MKX: variants seen among roughly 807,000 people sequenced by gnomAD.
The protein encoded by MKX is homeobox protein Mohawk.
MKX carries 13 observed loss-of-function variants against 36.0 expected under a neutral mutation model. The ratio of observed to expected loss-of-function variants is 0.36; its 90% CI spans 0.24 to 0.57. The LOEUF (loss-of-function observed/expected upper bound fraction) is 0.57, where lower values mean the gene tolerates loss of function less well. MKX is among the 20% of genes least tolerant of loss of function. The pLI, the probability that MKX is intolerant of heterozygous loss-of-function variation, is 0.79. For synonymous variants in MKX, 176 were observed against 178.3 expected (o/e 0.99, Z 0.10); for missense variants, 458 against 456.4 (o/e 1.00, Z -0.03).
Position 27,734,704 on chromosome 10 carries a change from A to G in MKX, c.590T>C (p.Val197Ala). 6.2e-7 allele frequency: 1 copy of G among 1,614,042 alleles called. No homozygotes were observed. The highest frequency in any genetic ancestry group is 8.5e-7 in the Non-Finnish European group (1 of 1,180,028). ...HHPVIKSENS[V>A]IKAGVRPESR... ...CTCTGGCCTCACTCCCGCTTTGATG[A>G]CCGAATTCTCACTTTTAATCACAGG... Residue 197 changes from valine (V) to alanine (A), a missense_variant, in exon 5 of 7, where the codon GTC (valine) becomes GCC (alanine). Transcript: ENST00000419761.
intron 5 of MKX, chr10:27,718,603 A>G (rs776020179): frequency 4.1e-4 from 182 of 444,020 alleles, no homozygotes; most frequent in Non-Finnish European, 6.2e-4. Context: ...TCCACTGGAA[A>G]GACAAAAAGA....
intron 5 of MKX, among the ~76,000 whole-genome samples, chr10:27,683,146 C>T (rs1406324222): frequency 2.6e-5 from 4 of 152,206 alleles, no homozygotes; most frequent in African/African-American, 9.7e-5. Flanking sequence ...GCTGTAAATA[C>T]AGATGAAGCT....
chr10:27,708,120 A>C (rs1482482199), intron 5 of MKX, among the ~76,000 whole-genome samples: 2 of 152,220 alleles, frequency 1.3e-5, no homozygotes, highest in Non-Finnish European at 2.9e-5. Context: ...TTTAAAAAAA[A>C]CTAAGAAATC....
intron 5 of MKX, among the ~76,000 whole-genome samples, chr10:27,701,827 G>GTGTATA (rs899191210): frequency 6.9e-6 from 1 of 145,492 alleles, no homozygotes; most frequent in African/African-American, 2.5e-5. Flanking sequence ...GTGTGTGTGT[G>GTGTATA]TATATATATA....
intron 5 of MKX, among the ~76,000 whole-genome samples, chr10:27,702,753 A>G (rs1215369902): frequency 6.6e-6 from 1 of 152,130 alleles, no homozygotes; most frequent in Non-Finnish European, 1.5e-5. Flanking sequence ...TCAAACTTCT[A>G]TGGCCTTCTC....
chr10:27,701,375 T>C (rs1295263101), intron 5 of MKX, among the ~76,000 whole-genome samples: 5 of 7,750 alleles, frequency 6.5e-4, no homozygotes, highest in African/African-American at 1.5e-3. Context: ...ATTTTATATA[T>C]ATATATATAT....
chr10:27,723,661 C>A (rs957531460), intron 5 of MKX, among the ~76,000 whole-genome samples: 1 of 152,188 alleles, frequency 6.6e-6, no homozygotes, highest in African/African-American at 2.4e-5. Flanking sequence ...TTAAGGAATT[C>A]TCTCCCTTGC....
chr10:27,689,240 C>T (rs1836410676), intron 5 of MKX, among the ~76,000 whole-genome samples: 1 of 152,194 alleles, frequency 6.6e-6, no homozygotes. Context: ...CTTCTTGGCT[C>T]TTCACAAGAG....
intron 5 of MKX, among the ~76,000 whole-genome samples, chr10:27,732,611 T>A (rs1834657143): frequency 6.6e-6 from 1 of 152,168 alleles, no homozygotes; most frequent in Non-Finnish European, 1.5e-5. Flanking sequence ...ATTTGACCTT[T>A]TTTTATTTTA....
chr10:27,735,183 G>T (rs760582157), intron 4 of MKX, 38 bp downstream of exon 4: 2 of 1,508,446 alleles, frequency 1.3e-6, no homozygotes, highest in South Asian at 1.4e-5. Flanking sequence ...TGCTAATAGA[G>T]GCAAAACAAA....
intron 3 of MKX, among the ~76,000 whole-genome samples, chr10:27,738,607 AT>A (rs1005984842): frequency 2.0e-5 from 3 of 152,206 alleles, no homozygotes; most frequent in African/African-American, 7.2e-5. Context: ...TTATATAATT[AT>A]GATTTATATC....
Position 27,734,565 on chromosome 10 carries a change from T to A in MKX, c.729A>T (p.Gly243=). Residue 243 remains glycine, a synonymous_variant, in exon 5 of 7, where the codon GGA becomes GGT. Coordinates refer to ENST00000419761, the MANE Select transcript of MKX (RefSeq NM_173576.3). The part of the protein sequence containing the change: ...HVMATNTTMM[G]KTRQRNHSGS... ...CCGAGTGGTTTCTTTGCCTTGTTTT[T>A]CCCATCATGGTAGTGTTCGTGGCCA... The A allele has an allele frequency of 6.2e-7, 1 of 1,614,212 alleles. No individual in the cohort carries two copies. Among genetic ancestry groups the A allele is most frequent in the Non-Finnish European group, 8.5e-7 (1 of 1,180,030 alleles).
chr10:27,711,445 TTCTTTCTTTCTTTCTTTCTTTC>T (rs1478657838), intron 5 of MKX, among the ~76,000 whole-genome samples: 170 of 12,856 alleles, frequency 0.013, 1 homozygote, highest in East Asian at 0.051. Context: ...CTTTCTTTCT[TTCTTTCTTTCTTTCTTTCTTTC>T]TTTCTTTCTT....
chr10:27,695,034 C>T (rs948350477), intron 5 of MKX, among the ~76,000 whole-genome samples: 44 of 152,002 alleles, frequency 2.9e-4, no homozygotes, highest in African/African-American at 9.7e-4. Context: ...GCCTTGCATT[C>T]AAGGGCAGAA....
At chr10:27,687,486 T>C (rs924836619) in intron 5 of MKX, among the ~76,000 whole-genome samples, 1 of 152,194 alleles carries the variant, frequency 6.6e-6, no homozygotes, top group Non-Finnish European at 1.5e-5. Flanking sequence ...CTCCTTATGT[T>C]AGGGAGCTAC....
intron 5 of MKX, among the ~76,000 whole-genome samples, chr10:27,725,900 A>G (rs772012829): frequency 1.3e-5 from 2 of 152,162 alleles, no homozygotes; most frequent in Admixed American, 6.6e-5. Context: ...ATAGGAGAAG[A>G]AAGAAAAGGA....
At chr10:27,705,818 C>T (rs1836738163) in intron 5 of MKX, among the ~76,000 whole-genome samples, 1 of 152,126 alleles carries the variant, frequency 6.6e-6, no homozygotes, top group Non-Finnish European at 1.5e-5. Context: ...CTATTAGCAG[C>T]CTGTATGATC....
chr10:27,739,414 A>G (rs1031818379), intron 3 of MKX, among the ~76,000 whole-genome samples: 1 of 152,124 alleles, frequency 6.6e-6, no homozygotes, highest in Non-Finnish European at 1.5e-5. Flanking sequence ...CCCACTTAAA[A>G]TTACATATTT....
rs1047204791 is a variant in MKX at position 27,743,380 on chromosome 10, C to T, written c.36G>A (p.Ala12=). ...AGGCGCCTCCGTCCTCAAACAGCAC[C>T]GCACCGCTGAGCTTGTTGAAGACGA... ...NTIVFNKLSG[A]VLFEDGGASE... Residue 12 remains alanine (A), a synonymous_variant, in exon 2 of 7, where the codon GCG becomes GCA. Coordinates refer to ENST00000419761, the MANE Select transcript of MKX (RefSeq NM_173576.3). 6.4e-7 allele frequency: 1 copy of T among 1,572,894 alleles called. No homozygotes were observed. The highest frequency in any genetic ancestry group is 8.6e-7 in the Non-Finnish European group (1 of 1,161,978).
Sources: gnomAD v4.1 joint callset for allele counts (sites outside exome capture counted in the v4.1 genomes callset) on GRCh38, gnomAD v4.1.1 for gene constraint, MANE v1.5 for transcripts, NCBI Gene and HGNC (gene_info 2026-07-23, HGNC 2026-07-21) for gene names.